The following SORCS3 variants were observed in gnomAD, a reference collection of about 807,000 sequenced individuals.
SORCS3 encodes VPS10 domain-containing receptor SorCS3.
A neutral mutation model predicts 146.3 loss-of-function variants in SORCS3; 57 were observed. The ratio of observed to expected loss-of-function variants is 0.39; its 90% CI spans 0.31 to 0.49. The LOEUF (loss-of-function observed/expected upper bound fraction) is 0.49. Among genes scored for constraint, SORCS3 ranks in the 20% least tolerant of loss-of-function variants. SORCS3 has a pLI of 0.92. For missense variants in SORCS3, 1,341 were observed against 1,575.5 expected (o/e 0.85, Z 2.52); for synonymous variants, 653 against 618.5 (o/e 1.06, Z -0.83).
At chr10:104,737,700 G>A (rs1352524197) in intron 1 of SORCS3, among the ~76,000 whole-genome samples, 84 of 152,096 alleles carry the variant, frequency 5.5e-4, no homozygotes, top group East Asian at 3.3e-3. Flanking sequence ...AGTAGGTTGC[G>A]AAAATTTTCT....
At chr10:104,838,608 C>T (rs533848472) in intron 1 of SORCS3, among the ~76,000 whole-genome samples, 4 of 152,156 alleles carry the variant, frequency 2.6e-5, no homozygotes, top group South Asian at 2.1e-4. Flanking sequence ...GGTGTGACCA[C>T]GCTGAGGTAT....
intron 5 of SORCS3, among the ~76,000 whole-genome samples, chr10:105,058,089 A>G (rs1322004207): frequency 6.6e-6 from 1 of 152,212 alleles, no homozygotes; most frequent in Non-Finnish European, 1.5e-5. Context: ...AGAGCTGTCA[A>G]GTAATTTGGG....
intron 2 of SORCS3, among the ~76,000 whole-genome samples, chr10:104,897,586 A>G (rs922935161): frequency 6.6e-6 from 1 of 152,234 alleles, no homozygotes; most frequent in Admixed American, 6.5e-5. Context: ...CTAAGATTTT[A>G]ATTTTGTTGG....
At chr10:105,017,500 T>C (rs1439340389) in intron 4 of SORCS3, among the ~76,000 whole-genome samples, 1 of 152,214 alleles carries the variant, frequency 6.6e-6, no homozygotes, top group East Asian at 1.9e-4. Context: ...CATGGACTTT[T>C]AAAGATGGCA....
chr10:105,173,338 A>G (rs182536371), intron 13 of SORCS3, among the ~76,000 whole-genome samples: 4 of 152,064 alleles, frequency 2.6e-5, no homozygotes, highest in Non-Finnish European at 5.9e-5. Flanking sequence ...ACAACAAAAA[A>G]AGAAAGAAAC....
intron 2 of SORCS3, among the ~76,000 whole-genome samples, chr10:104,857,255 C>T (rs903178868): frequency 2.0e-5 from 3 of 151,934 alleles, no homozygotes; most frequent in Non-Finnish European, 4.4e-5. Context: ...GTGAAAGCCA[C>T]ATAGTGGAAG....
intron 14 of SORCS3, among the ~76,000 whole-genome samples, chr10:105,182,335 G>A (rs1453604820): frequency 6.7e-6 from 1 of 149,626 alleles, no homozygotes; most frequent in East Asian, 2.0e-4. Flanking sequence ...GATAGGATTG[G>A]CATCATTGGG....
At chr10:104,665,561 T>C (rs1203020115) in intron 1 of SORCS3, 1 of 152,198 alleles carries the variant, frequency 6.6e-6, no homozygotes, top group East Asian at 1.9e-4. Flanking sequence ...AGATGCTTCT[T>C]TACTTCCAAG....
rs552615788 is a variant in SORCS3 at position 105,201,060 on chromosome 10, T to A, written c.2128-60T>A. The A allele has an allele frequency of 1.8e-5, 28 of 1,581,178 alleles. No individual in the cohort carries two copies. In the African/African-American group the frequency reaches 3.3e-4, roughly 18 times the overall value. On this transcript the variant is annotated intron_variant, in intron 15 of 26. Coordinates refer to ENST00000369701, the MANE Select transcript of SORCS3 (RefSeq NM_014978.3). ...CAGGCTAATGCTTCTTGTTGACAAC[T>A]GGTTTATTTCACCACCTTTTTGTTT...
At chr10:105,145,682 C>T (rs1055066840) in intron 8 of SORCS3, among the ~76,000 whole-genome samples, 6 of 152,094 alleles carry the variant, frequency 3.9e-5, no homozygotes, top group South Asian at 2.1e-4. Flanking sequence ...CTTCATCACA[C>T]GGTTTTTAAG....
chr10:105,126,304 T>C (rs1359412283), intron 7 of SORCS3, among the ~76,000 whole-genome samples: 1 of 152,114 alleles, frequency 6.6e-6, no homozygotes, highest in Admixed American at 6.6e-5. Context: ...TACCAACAAC[T>C]CACCTTGGCA....
At chr10:104,747,713 G>A (rs773947789) in intron 1 of SORCS3, among the ~76,000 whole-genome samples, 22 of 152,134 alleles carry the variant, frequency 1.4e-4, no homozygotes, top group Non-Finnish European at 2.2e-4. Flanking sequence ...GACACTGCTC[G>A]GACCATTCTC....
chr10:104,816,024 G>A (rs963358447), intron 1 of SORCS3, among the ~76,000 whole-genome samples: 1 of 152,158 alleles, frequency 6.6e-6, no homozygotes, highest in African/African-American at 2.4e-5. Flanking sequence ...GGATAGCACT[G>A]TTATAAATAT....
intron 7 of SORCS3, among the ~76,000 whole-genome samples, chr10:105,128,759 G>C (rs1589646931): frequency 6.6e-6 from 1 of 152,244 alleles, no homozygotes; most frequent in Non-Finnish European, 1.5e-5. Flanking sequence ...AGCATAATTT[G>C]TCAGTGAATA....
chr10:105,248,661 C>A (rs1027665556), intron 22 of SORCS3, among the ~76,000 whole-genome samples: 1 of 143,968 alleles, frequency 6.9e-6, no homozygotes, highest in Non-Finnish European at 1.5e-5. Context: ...TTGCATGAGC[C>A]GAGATATTGC....
chr10:105,137,926 G>T (rs917859120), intron 7 of SORCS3, among the ~76,000 whole-genome samples: 1 of 149,774 alleles, frequency 6.7e-6, no homozygotes, highest in Non-Finnish European at 1.5e-5. Context: ...TATGTGTTCA[G>T]ATCTAAGGAT....
Position 105,043,333 on chromosome 10 carries a change from G to A in SORCS3, c.1028+205G>A, listed in dbSNP as rs180965863. Among the ~76,000 whole-genome samples the A allele has an allele frequency of 5.3e-5, 8 of 152,194 alleles. No homozygotes were observed. In the East Asian group the frequency reaches 9.7e-4, roughly 18 times the overall value. On this transcript the variant is annotated intron_variant, in intron 5 of 26. Transcript: ENST00000369701. Reference sequence around the variant, plus strand: ...AATCTCAGGCCCTATTAAGACTTACGAAACTGGGATTTGCATTTAACATGA... The same window carrying A: ...AATCTCAGGCCCTATTAAGACTTACAAAACTGGGATTTGCATTTAACATGA...
intron 5 of SORCS3, among the ~76,000 whole-genome samples, chr10:105,068,516 G>T (rs985843437): frequency 6.6e-6 from 1 of 152,166 alleles, no homozygotes; most frequent in African/African-American, 2.4e-5. Flanking sequence ...GCCAAAACTT[G>T]AGTCAGTCCT....
rs56216518 is a variant in SORCS3, at chr10:105,033,393, T to C, written c.955-9662T>C. On this transcript the variant is annotated intron_variant, in intron 4 of 26. Transcript: ENST00000369701. ...GACTAGCTGTGTGACCCTAGGCAAG[T>C]CTCTTAGGTTCTCTGAGTTTTAGAG... Among the ~76,000 whole-genome samples the C allele has an allele frequency of 2.7e-3, 417 of 152,320 alleles. 2 individuals carry two copies. Among genetic ancestry groups the C allele is most frequent in the Middle Eastern group, 6.8e-3 (2 of 294 alleles).
Sources: allele counts gnomAD v4.1 joint callset (sites outside exome capture counted in the v4.1 genomes callset), GRCh38; gene constraint gnomAD v4.1.1; transcripts MANE v1.5; gene names NCBI Gene and HGNC (gene_info 2026-07-23, HGNC 2026-07-21).